The following AGAP1 variants were observed in gnomAD, a reference collection of about 807,000 sequenced individuals.
AGAP1 encodes arf-GAP with GTPase, ANK repeat and PH domain-containing protein 1.
A neutral mutation model predicts 105.3 loss-of-function variants in AGAP1; 29 were observed. The observed-to-expected ratio is 0.28, with a 90% CI of 0.21 to 0.38. The LOEUF (loss-of-function observed/expected upper bound fraction) is 0.38. Among genes scored for constraint, AGAP1 ranks in the 10% least tolerant of loss-of-function variants. The probability of loss-of-function intolerance (pLI) is 1.00; values close to 1 mark genes in which losing one functional copy is unlikely to be tolerated. For missense variants in AGAP1, 998 were observed against 1,165.1 expected (o/e 0.86, Z 2.09); for synonymous variants, 509 against 485.9 (o/e 1.05, Z -0.63).
chr2:235,629,269 TGTGTG>T (rs1435689828), intron 1 of AGAP1, among the ~76,000 whole-genome samples: 19 of 2,222 alleles, frequency 8.6e-3, no homozygotes, highest in Admixed American at 0.042. Context: ...TAGTAGTCAT[TGTGTG>T]TGTGTGTGTG....
At position 236,045,832 on chromosome 2, in the gene AGAP1, A is replaced by G. The variant is rs1002309296; in HGVS notation, c.1892-3227A>G. The stretch of plus-strand genomic sequence containing the variant: ...AGTCATTCTCTGCTGGAGCGGAGGC[A>G]AGGTTCTCCCCTCAGTCAGCCCCAG... On this transcript the variant is annotated intron_variant, in intron 15 of 17. Coordinates refer to ENST00000304032, the MANE Select transcript of AGAP1 (RefSeq NM_001037131.3). This position sits in a 1 kb window ranked among gnomAD's most constrained non-coding sequence, Gnocchi z 6.9. 1 of 406,282 alleles carries G rather than the reference A, an allele frequency of 2.5e-6. No homozygotes were observed. The highest frequency in any genetic ancestry group is 2.1e-5 in the African/African-American group (1 of 48,734). The allele number at this position is 406,282 out of a possible 1,614,324, so 25.2% of individuals were successfully genotyped here.
rs189805498 is a variant in AGAP1 at position 235,956,796 on chromosome 2, C to T, written c.1484-11666C>T. Among the ~76,000 whole-genome samples, 6 of 152,352 alleles carry T rather than the reference C, an allele frequency of 3.9e-5. No individual in the cohort carries two copies. The East Asian group carries it at 9.7e-4, about 25-fold the overall frequency. Reference sequence around the variant, plus strand: ...TAGGTGGCTGGAGGCCAGACAGCCACGTCCATTTGTTCATCCAGACTCAGC... The same window carrying T: ...TAGGTGGCTGGAGGCCAGACAGCCATGTCCATTTGTTCATCCAGACTCAGC... On this transcript the variant is annotated intron_variant, in intron 12 of 17. Coordinates refer to ENST00000304032, the MANE Select transcript of AGAP1 (RefSeq NM_001037131.3).
intron 13 of AGAP1, among the ~76,000 whole-genome samples, chr2:235,969,811 G>A (rs1055893389): frequency 6.6e-6 from 1 of 152,122 alleles, no homozygotes; most frequent in African/African-American, 2.4e-5. Context: ...TGAGTAGCCC[G>A]CCAGCCTCCG....
rs1948081131 is a variant in AGAP1, at chr2:235,665,003, C to G, written c.164-44176C>G. Among the ~76,000 whole-genome samples, 1 of 152,160 alleles carries G rather than the reference C, an allele frequency of 6.6e-6. No homozygotes were observed. Among genetic ancestry groups the G allele is most frequent in the South Asian group, 2.1e-4 (1 of 4,816 alleles). On this transcript the variant is annotated intron_variant, in intron 1 of 17. Transcript: ENST00000304032. This position sits in a 1 kb window ranked among gnomAD's most constrained non-coding sequence, Gnocchi z 5.3. ...TAGGAGGCCAAGATGGGAGAATCAT[C>G]TGAGGTGAGGCGTTCGAGACCAGCC... is the stretch of plus-strand genomic sequence containing the variant.
chr2:236,070,643 A>G (rs1282526504), intron 16 of AGAP1, among the ~76,000 whole-genome samples: 1 of 152,242 alleles, frequency 6.6e-6, no homozygotes, highest in Non-Finnish European at 1.5e-5. Flanking sequence ...GATGTATACT[A>G]CAACGTAAAT....
intron 16 of AGAP1, among the ~76,000 whole-genome samples, chr2:236,110,529 C>T (rs932878418): frequency 1.3e-5 from 2 of 152,174 alleles, no homozygotes; most frequent in African/African-American, 2.4e-5. Flanking sequence ...CGCCACTGCA[C>T]TCTAGTCTGG....
chr2:235,507,855 A>G (rs1443062242), intron 1 of AGAP1, among the ~76,000 whole-genome samples: 1 of 152,102 alleles, frequency 6.6e-6, no homozygotes, highest in African/African-American at 2.4e-5. Flanking sequence ...GGTGTGTTAT[A>G]TAGGTAAGTT....
Position 235,965,016 on chromosome 2 carries a change from C to G in AGAP1, c.1484-3446C>G, listed in dbSNP as rs1252872265. ...TCCCACCTCTGCAGTTCCACCACAA[C>G]CAAACTGTCATAGTGCAGGCTCAGG... On this transcript the variant is annotated intron_variant, in intron 12 of 17. Coordinates refer to ENST00000304032, the MANE Select transcript of AGAP1 (RefSeq NM_001037131.3). This position sits in a 1 kb window ranked among gnomAD's most constrained non-coding sequence, Gnocchi z 5.8. Among the ~76,000 whole-genome samples, 1 of 152,206 alleles carries G rather than the reference C, an allele frequency of 6.6e-6. No homozygotes were observed. Among genetic ancestry groups the G allele is most frequent in the African/African-American group, 2.4e-5 (1 of 41,442 alleles).
chr2:235,555,292 G>A lies in AGAP1; in HGVS notation c.163+60443G>A, dbSNP rs182502431. ...CGCCCTGCCCTGTCTCTTTGTGTTC[G>A]TTGGTCTCCATTTCTAGTGTCTGAG... On this transcript the variant is annotated intron_variant, in intron 1 of 17. Transcript: ENST00000304032. The surrounding 1 kb of genome is among the most constrained non-coding windows in gnomAD (Gnocchi z 5.1). Among the ~76,000 whole-genome samples the A allele has an allele frequency of 5.3e-5, 8 of 152,266 alleles. No homozygotes were observed. Among genetic ancestry groups the A allele is most frequent in the African/African-American group, 9.6e-5 (4 of 41,544 alleles).
Position 236,009,997 on chromosome 2 carries a change from G to A in AGAP1, c.1646-26564G>A, listed in dbSNP as rs1216993369. Among the ~76,000 whole-genome samples, 1 of 151,980 alleles carries A rather than the reference G, an allele frequency of 6.6e-6. No homozygotes were observed. The highest frequency in any genetic ancestry group is 2.4e-5 in the African/African-American group (1 of 41,356). On this transcript the variant is annotated intron_variant, in intron 13 of 17. Coordinates refer to ENST00000304032, the MANE Select transcript of AGAP1 (RefSeq NM_001037131.3). This position sits in a 1 kb window ranked among gnomAD's most constrained non-coding sequence, Gnocchi z 4.2. Reference sequence around the variant, plus strand: ...AAACCCTGCTCGTTTGAGCATGCCAGCAGACTAAAGAATATTTTTATTCTG... The same window carrying A: ...AAACCCTGCTCGTTTGAGCATGCCAACAGACTAAAGAATATTTTTATTCTG...
rs1947756871 is a variant in AGAP1 at position 235,655,936 on chromosome 2, G to A, written c.164-53243G>A. ...AGGGGGCAGTGCAGGATGTGGCAAG[G>A]CAGTTGTTGGAGCTCCGATACTTCC... is the stretch of plus-strand genomic sequence containing the variant. On this transcript the variant is annotated intron_variant, in intron 1 of 17. Coordinates refer to ENST00000304032, the MANE Select transcript of AGAP1 (RefSeq NM_001037131.3). The surrounding 1 kb of genome is among the most constrained non-coding windows in gnomAD (Gnocchi z 4.3). 6.6e-6 allele frequency among the ~76,000 whole-genome samples: 1 copy of A among 152,186 alleles called. No homozygotes were observed. The highest frequency in any genetic ancestry group is 2.4e-5 in the African/African-American group (1 of 41,438).
At chr2:236,077,623 A>G (rs746368253) in intron 16 of AGAP1, among the ~76,000 whole-genome samples, 1 of 152,030 alleles carries the variant, frequency 6.6e-6, no homozygotes, top group Non-Finnish European at 1.5e-5. Context: ...CCAGCCATGT[A>G]TGTCTTTTAA....
Position 235,960,722 on chromosome 2 carries a change from C to G in AGAP1, c.1484-7740C>G, listed in dbSNP as rs2054144511. On this transcript the variant is annotated intron_variant, in intron 12 of 17. Coordinates refer to ENST00000304032, the MANE Select transcript of AGAP1 (RefSeq NM_001037131.3). This position sits in a 1 kb window ranked among gnomAD's most constrained non-coding sequence, Gnocchi z 4.9. ...GAAATCAGCCCCGTGGGACAGGGGT[C>G]TTGCCCTTTATTCTCTGACAGCGGC... 6.6e-6 allele frequency among the ~76,000 whole-genome samples: 1 copy of G among 152,218 alleles called. No individual in the cohort carries two copies. The highest frequency in any genetic ancestry group is 2.1e-4 in the South Asian group (1 of 4,834).
chr2:235,949,001 A>T (rs1352024197), intron 12 of AGAP1, among the ~76,000 whole-genome samples: 3 of 152,248 alleles, frequency 2.0e-5, no homozygotes, highest in Non-Finnish European at 2.9e-5. Flanking sequence ...TAGTTAGATT[A>T]AGCGAATTAT....
chr2:235,765,686 A>G (rs1954894111), intron 6 of AGAP1, among the ~76,000 whole-genome samples: 1 of 152,190 alleles, frequency 6.6e-6, no homozygotes, highest in South Asian at 2.1e-4. Flanking sequence ...ATCCCCAGCC[A>G]ACTGTATTCC....
intron 1 of AGAP1, among the ~76,000 whole-genome samples, chr2:235,694,939 G>A (rs931650980): frequency 6.6e-6 from 1 of 152,238 alleles, no homozygotes; most frequent in Non-Finnish European, 1.5e-5. Context: ...CCAAAGGCAA[G>A]CAACAGGGAT....
At chr2:235,886,044 C>T (rs1375693107) in intron 10 of AGAP1, among the ~76,000 whole-genome samples, 1 of 152,148 alleles carries the variant, frequency 6.6e-6, no homozygotes. Context: ...ATGTAGGTCT[C>T]CAGTTCTGCA....
chr2:235,854,365 C>G (rs2048597441), intron 9 of AGAP1, among the ~76,000 whole-genome samples: 1 of 152,246 alleles, frequency 6.6e-6, no homozygotes, highest in Admixed American at 6.5e-5. Flanking sequence ...GCCTGCTCTC[C>G]TTCCCTCTTT....
Position 235,968,540 on chromosome 2 carries a change from C to G in AGAP1, c.1562C>G (p.Ser521Cys). ...AGCCCCAAGCTCGACCCGCCCCCCT[C>G]CCCTCACGCCAACAGAAAGAAGCAC... is the stretch of plus-strand genomic sequence containing the variant. ...TTSPKLDPPP[S>C]PHANRKKHRR... Residue 521 changes from serine to cysteine, a missense_variant, in exon 13 of 18, where the codon TCC becomes TGC. Physicochemically the swap from Ser to Cys is moderately radical, Grantham distance 112. This residue lies in a region of AGAP1 where 735 missense variants were observed against 833.4 expected (regional missense o/e 0.88). Coordinates refer to ENST00000304032, the MANE Select transcript of AGAP1 (RefSeq NM_001037131.3). 1.1e-6 allele frequency: 1 copy of G among 924,964 alleles called. No homozygotes were observed. The highest frequency in any genetic ancestry group is 1.6e-6 in the Non-Finnish European group (1 of 635,766). 57.3% of individuals were successfully genotyped at this position (924,964 alleles called of 1,614,324 possible). A position where few individuals can be genotyped will look rare whatever the true frequency, so the allele number is the denominator to read the frequency against.
Sources: gnomAD v4.1 joint callset for allele counts (sites outside exome capture counted in the v4.1 genomes callset) on GRCh38, gnomAD v4.1.1 for gene constraint, gnomAD v4.1.1 regional missense constraint, Gnocchi (gnomAD v3.1) non-coding constraint, MANE v1.5 for transcripts, NCBI Gene and HGNC (gene_info 2026-07-23, HGNC 2026-07-21) for gene names.